The following PLEKHG1 variants were observed in gnomAD, a reference collection of about 807,000 sequenced individuals.
PLEKHG1 encodes the protein pleckstrin homology and RhoGEF domain containing G1.
Under a neutral mutation model 100.8 loss-of-function variants are expected in PLEKHG1, and 44 were observed. That is an observed-to-expected ratio of 0.44 (90% CI 0.34 to 0.56). The LOEUF (loss-of-function observed/expected upper bound fraction) is 0.56, where lower values mean the gene tolerates loss of function less well. Among genes scored for constraint, PLEKHG1 ranks in the 20% least tolerant of loss-of-function variants. PLEKHG1 has a pLI of 0.01. For missense variants in PLEKHG1, 1,545 were observed against 1,720.9 expected (o/e 0.90, Z 1.81); for synonymous variants, 640 against 662.5 (o/e 0.97, Z 0.52).
intron 4 of PLEKHG1, among the ~76,000 whole-genome samples, chr6:150,795,484 C>T (rs546412815): frequency 6.6e-6 from 1 of 151,958 alleles, no homozygotes; most frequent in African/African-American, 2.4e-5. Flanking sequence ...AAAGCCTTAT[C>T]AAAAGTTCTG....
intron 10 of PLEKHG1, 64 bp from the exon 12 acceptor site, chr6:150,818,119 T>G: frequency 1.4e-4 from 171 of 1,185,230 alleles, no homozygotes; most frequent in Non-Finnish European, 2.0e-4. Flanking sequence ...AGATCTGTGT[T>G]GAGATTTGGA....
At chr6:150,764,210 C>T (rs576545326) in intron 2 of PLEKHG1, among the ~76,000 whole-genome samples, 85 of 151,642 alleles carry the variant, frequency 5.6e-4, no homozygotes, top group African/African-American at 2.1e-3. Flanking sequence ...CTTTGCCTCC[C>T]GGGTTCAAGC....
At chr6:150,686,019 G>GA (rs1159258924) in intron 3 of PLEKHG1, among the ~76,000 whole-genome samples, 1 of 152,220 alleles carries the variant, frequency 6.6e-6, no homozygotes, top group East Asian at 1.9e-4. Context: ...AGGGATTCTA[G>GA]AACTTTCTAG....
chr6:150,800,704 G>A lies in PLEKHG1; in HGVS notation c.630-15G>A, dbSNP rs755684436. ...AGCATTACAATTTAGATAAAAACAT[G>A]GACTCTTCCTGCAGGTCCGTGGCTG... is the stretch of plus-strand genomic sequence containing the variant. On this transcript the variant is annotated splice_polypyrimidine_tract_variant and intron_variant, in intron 5 of 15. Coordinates refer to ENST00000358517, the Ensembl canonical transcript of PLEKHG1. 1.2e-6 allele frequency: 2 copies of A among 1,609,972 alleles called. No homozygotes were observed. The highest frequency in any genetic ancestry group is 2.7e-5 in the African/African-American group (2 of 74,778).
At chr6:150,740,099 G>T (rs184361051) in intron 2 of PLEKHG1, among the ~76,000 whole-genome samples, 1 of 152,348 alleles carries the variant, frequency 6.6e-6, no homozygotes, top group East Asian at 1.9e-4. Flanking sequence ...CAGAGAGCTT[G>T]TGCAGTGATT....
At chr6:150,766,516 T>TG (rs1422475386) in intron 2 of PLEKHG1, among the ~76,000 whole-genome samples, 3 of 152,260 alleles carry the variant, frequency 2.0e-5, no homozygotes, top group Non-Finnish European at 4.4e-5. Context: ...TTATGATCAG[T>TG]GGGGGGGAAC....
intron 1 of PLEKHG1, among the ~76,000 whole-genome samples, chr6:150,632,411 G>A (rs1007387664): frequency 2.0e-5 from 3 of 152,332 alleles, no homozygotes; most frequent in Admixed American, 1.3e-4. Context: ...TTGGCCAACC[G>A]GACACACCTA....
At chr6:150,624,235 C>A (rs1777419748) in intron 1 of PLEKHG1, among the ~76,000 whole-genome samples, 1 of 152,184 alleles carries the variant, frequency 6.6e-6, no homozygotes, top group Non-Finnish European at 1.5e-5. Flanking sequence ...TCCAGGCAGT[C>A]TGGAGGTGCC....
chr6:150,815,274 C>CA (rs1787797883), intron 10 of PLEKHG1, among the ~76,000 whole-genome samples: 1 of 152,180 alleles, frequency 6.6e-6, no homozygotes, highest in African/African-American at 2.4e-5. Context: ...TACAGCCTCC[C>CA]AGCTGCCTTC....
At position 150,632,047 on chromosome 6, in the gene PLEKHG1, A is replaced by T. The variant is rs1265903497; in HGVS notation, c.-203-6033A>T. On this transcript the variant is annotated intron_variant, in intron 1 of 3. Transcript: ENST00000367326. ...CAGGACTCTGGTTCCTACAACAAGC[A>T]CGCGGCATTTGGCATTTTCTGAAGA... Among the ~76,000 whole-genome samples, 3 of 152,200 alleles carry T rather than the reference A, an allele frequency of 2.0e-5. No individual in the cohort carries two copies. In the East Asian group the frequency reaches 5.8e-4, roughly 29 times the overall value.
At chr6:150,707,003 T>TC (rs1269896824) in intron 3 of PLEKHG1, among the ~76,000 whole-genome samples, 49 of 129,958 alleles carry the variant, frequency 3.8e-4, no homozygotes, top group South Asian at 2.8e-3. Context: ...TTTTTCTTTT[T>TC]TTTTTTTTTT....
chr6:150,835,105 T>C (rs1192258725), intron 15 of PLEKHG1, among the ~76,000 whole-genome samples: 1 of 152,170 alleles, frequency 6.6e-6, no homozygotes, highest in Non-Finnish European at 1.5e-5. Context: ...CTCTCGAGCA[T>C]CTTTATTGAA....
intron 3 of PLEKHG1, among the ~76,000 whole-genome samples, chr6:150,669,366 T>C (rs949230564): frequency 3.9e-5 from 6 of 152,154 alleles, no homozygotes; most frequent in Admixed American, 6.5e-5. Context: ...GAGGTCATTC[T>C]CTGACCTAGT....
chr6:150,621,380 T>TC (rs1443194119), intron 1 of PLEKHG1, among the ~76,000 whole-genome samples: 1 of 151,812 alleles, frequency 6.6e-6, no homozygotes, highest in East Asian at 1.9e-4. Flanking sequence ...AATCAATTTT[T>TC]TTTTTTTTTT....
chr6:150,819,619 C>T (rs548237043), intron 11 of PLEKHG1, 60 bp from the exon 13 acceptor site: 117 of 853,424 alleles, frequency 1.4e-4, no homozygotes, highest in Admixed American at 8.0e-4. Flanking sequence ...CTAGCCATAA[C>T]CATTTTCTGA....
intron 2 of PLEKHG1, among the ~76,000 whole-genome samples, chr6:150,747,032 T>C (rs559608600): frequency 6.6e-6 from 1 of 152,386 alleles, no homozygotes; most frequent in East Asian, 1.9e-4. Context: ...GGTGATTGAG[T>C]AGCTATTATT....
chr6:150,750,589 G>T (rs1439613165), intron 2 of PLEKHG1, among the ~76,000 whole-genome samples: 2 of 151,722 alleles, frequency 1.3e-5, no homozygotes, highest in African/African-American at 2.4e-5. Flanking sequence ...GACCATCCCG[G>T]CTAAAACGGT....
intron 2 of PLEKHG1, among the ~76,000 whole-genome samples, chr6:150,650,116 C>G (rs763992606): frequency 1.3e-5 from 2 of 151,752 alleles, no homozygotes; most frequent in Non-Finnish European, 2.9e-5. Context: ...AAAACTGCAG[C>G]CCCAAATTTC....
At chr6:150,692,841 G>A (rs955877169) in intron 3 of PLEKHG1, among the ~76,000 whole-genome samples, 3 of 152,150 alleles carry the variant, frequency 2.0e-5, no homozygotes, top group South Asian at 2.1e-4. Flanking sequence ...CTGTCAGAGC[G>A]AGTGCATTGG....
Sources: gnomAD v4.1 joint callset for allele counts (sites outside exome capture counted in the v4.1 genomes callset) on GRCh38, gnomAD v4.1.1 for gene constraint, MANE v1.5 for transcripts, NCBI Gene and HGNC (gene_info 2026-07-23, HGNC 2026-07-21) for gene names.